Variants in IMMP2L observed in about 807,000 individuals in gnomAD.
IMMP2L encodes inner mitochondrial membrane peptidase subunit 2.
Under a neutral mutation model 19.3 loss-of-function variants are expected in IMMP2L, and 18 were observed. The observed-to-expected ratio is 0.93, with a 90% CI of 0.64 to 1.38. The LOEUF (loss-of-function observed/expected upper bound fraction) is 1.38. Among genes scored for constraint, IMMP2L ranks in the 40% most tolerant of loss-of-function variants. IMMP2L has a pLI of 0.00. For synonymous variants in IMMP2L, 76 were observed against 73.0 expected (o/e 1.04, Z -0.21); for missense variants, 233 against 218.2 (o/e 1.07, Z -0.43).
At chr7:110,966,598 T>C (rs982496508) in intron 3 of IMMP2L, among the ~76,000 whole-genome samples, 1 of 152,022 alleles carries the variant, frequency 6.6e-6, no homozygotes, top group African/African-American at 2.4e-5. Flanking sequence ...AAATAGAGTA[T>C]GCAAAGGGAG....
intron 1 of IMMP2L, among the ~76,000 whole-genome samples, chr7:111,541,958 G>A (rs1319779647): frequency 1.3e-5 from 2 of 152,064 alleles, no homozygotes; most frequent in African/African-American, 2.4e-5. Context: ...CTGATGAAAG[G>A]TGAGTTTTAA....
At chr7:110,735,846 C>CAAAAAAA (rs59078426) in intron 5 of IMMP2L, among the ~76,000 whole-genome samples, 8 of 47,618 alleles carry the variant, frequency 1.7e-4, no homozygotes, top group South Asian at 1.4e-3. Context: ...CACTCTGCCT[C>CAAAAAAA]AAAAAAAAAA....
chr7:110,990,554 T>C (rs548855944), intron 3 of IMMP2L, among the ~76,000 whole-genome samples: 169 of 152,318 alleles, frequency 1.1e-3, no homozygotes, highest in East Asian at 1.7e-3. Context: ...GAAGCTGAAA[T>C]TGTAGAAATA....
At chr7:110,931,337 T>C (rs1207525678) in intron 4 of IMMP2L, among the ~76,000 whole-genome samples, 1 of 152,338 alleles carries the variant, frequency 6.6e-6, no homozygotes, top group African/African-American at 2.4e-5. Flanking sequence ...GGAACTCTTC[T>C]TCATTGAGTA....
intron 3 of IMMP2L, among the ~76,000 whole-genome samples, chr7:111,285,538 A>C (rs1349805082): frequency 2.0e-5 from 3 of 152,164 alleles, no homozygotes; most frequent in African/African-American, 7.2e-5. Context: ...TAAGGGAGAA[A>C]AAAAGCAATT....
intron 3 of IMMP2L, among the ~76,000 whole-genome samples, chr7:111,077,838 A>G (rs1586121600): frequency 6.6e-6 from 1 of 152,222 alleles, no homozygotes; most frequent in East Asian, 1.9e-4. Context: ...TTCATTACTC[A>G]TGCACACTGG....
At chr7:110,862,215 T>A (rs562505995) in intron 5 of IMMP2L, among the ~76,000 whole-genome samples, 134 of 151,926 alleles carry the variant, frequency 8.8e-4, no homozygotes, top group Non-Finnish European at 1.6e-3. Flanking sequence ...TAAAGTCAAT[T>A]TTTTTTAATA....
At chr7:111,219,123 G>A (rs1812260495) in intron 3 of IMMP2L, among the ~76,000 whole-genome samples, 1 of 151,912 alleles carries the variant, frequency 6.6e-6, no homozygotes. Flanking sequence ...TATACTATTT[G>A]GGTTTAGCTG....
At chr7:110,704,364 T>G in intron 5 of IMMP2L, among the ~76,000 whole-genome samples, 1 of 152,192 alleles carries the variant, frequency 6.6e-6, no homozygotes, top group Non-Finnish European at 1.5e-5. Flanking sequence ...TTTCCAAATT[T>G]CTCTTACAAT....
chr7:111,474,030 G>A (rs187922362), intron 3 of IMMP2L, among the ~76,000 whole-genome samples: 5 of 152,210 alleles, frequency 3.3e-5, no homozygotes, highest in African/African-American at 7.2e-5. Flanking sequence ...CAACATGAAC[G>A]CAGATGGAGG....
At chr7:111,118,132 A>T (rs1800118198) in intron 3 of IMMP2L, among the ~76,000 whole-genome samples, 1 of 152,102 alleles carries the variant, frequency 6.6e-6, no homozygotes. Context: ...TTTTATTGTA[A>T]ATCAAATCTA....
At chr7:110,985,474 T>A (rs760302493) in intron 3 of IMMP2L, among the ~76,000 whole-genome samples, 1 of 152,146 alleles carries the variant, frequency 6.6e-6, no homozygotes, top group Non-Finnish European at 1.5e-5. Flanking sequence ...AAATAGTAAG[T>A]TGGTGTCACA....
intron 3 of IMMP2L, among the ~76,000 whole-genome samples, chr7:111,082,847 G>A (rs1369363285): frequency 3.8e-5 from 5 of 130,874 alleles, no homozygotes; most frequent in South Asian, 2.3e-4. Flanking sequence ...AAAGATAAGC[G>A]ATTTTGCCAA....
At chr7:110,818,092 C>T (rs1246815758) in intron 5 of IMMP2L, among the ~76,000 whole-genome samples, 11 of 152,034 alleles carry the variant, frequency 7.2e-5, no homozygotes, top group Non-Finnish European at 1.6e-4. Flanking sequence ...GCAATGGCAA[C>T]AAAAGCCAAA....
At chr7:111,242,814 C>T (rs180735434) in intron 3 of IMMP2L, among the ~76,000 whole-genome samples, 337 of 152,074 alleles carry the variant, frequency 2.2e-3, no homozygotes, top group African/African-American at 7.0e-3. Flanking sequence ...GAGAATTTGT[C>T]TATAAATTTA....
chr7:111,263,478 TGAG>T lies in IMMP2L; in HGVS notation c.239+223757_239+223759del, dbSNP rs772151558. 5.2e-4 allele frequency among the ~76,000 whole-genome samples: 79 copies of T among 152,064 alleles called. 1 individual carries two copies. The highest frequency in any genetic ancestry group is 9.9e-4 in the Non-Finnish European group (67 of 68,000). ...CCATGGGAAACAGCTTAAATAGGAA[TGAG>T]GAGGAGTTCTTCTTTGGATATACTG... On this transcript the variant is annotated intron_variant, in intron 3 of 5. Transcript: ENST00000405709.
Position 111,375,934 on chromosome 7 carries a change from G to A in IMMP2L, c.239+111304C>T, listed in dbSNP as rs149943119. On this transcript the variant is annotated intron_variant, in intron 3 of 5. Transcript: ENST00000405709. Reference sequence around the variant, plus strand: ...AACCAGAGCAAAAACAATAACAATAGTAATACAAGAAACCTAAAAACATAT... The same window carrying A: ...AACCAGAGCAAAAACAATAACAATAATAATACAAGAAACCTAAAAACATAT... 3.0e-4 allele frequency among the ~76,000 whole-genome samples: 45 copies of A among 152,164 alleles called. No individual in the cohort carries two copies. The East Asian group carries it at 7.6e-3, about 26-fold the overall frequency.
At chr7:110,815,394 C>G (rs1336571598) in intron 5 of IMMP2L, among the ~76,000 whole-genome samples, 1 of 151,876 alleles carries the variant, frequency 6.6e-6, no homozygotes, top group East Asian at 1.9e-4. Flanking sequence ...ATTTTTGCAT[C>G]AATGTTCATC....
chr7:111,346,143 G>A (rs1295193288), intron 3 of IMMP2L, among the ~76,000 whole-genome samples: 1 of 152,152 alleles, frequency 6.6e-6, no homozygotes, highest in Non-Finnish European at 1.5e-5. Flanking sequence ...ACCATCATAT[G>A]TAGTAAGTGC....
Sources: gnomAD v4.1 joint callset for allele counts (sites outside exome capture counted in the v4.1 genomes callset) on GRCh38, gnomAD v4.1.1 for gene constraint, MANE v1.5 for transcripts, NCBI Gene and HGNC (gene_info 2026-07-23, HGNC 2026-07-21) for gene names.